Variants in ELAVL3 observed in about 807,000 individuals in gnomAD.
ELAVL3 encodes ELAV-like protein 3.
ELAVL3 carries 8 observed loss-of-function variants against 34.2 expected under a neutral mutation model. That is an observed-to-expected ratio of 0.23 (90% confidence interval 0.14 to 0.42). The LOEUF is 0.42. ELAVL3 is among the 10% of genes least tolerant of loss of function. The probability of loss-of-function intolerance (pLI) is 1.00; values close to 1 mark genes in which losing one functional copy is unlikely to be tolerated. For synonymous variants in ELAVL3, 209 were observed against 222.1 expected (o/e 0.94, Z 0.53); for missense variants, 273 against 518.8 (o/e 0.53, Z 4.60).
intron 3 of ELAVL3, among the ~76,000 whole-genome samples, chr19:11,463,004 A>G (rs1396263958): frequency 6.6e-6 from 1 of 151,180 alleles, no homozygotes. Flanking sequence ...ATGTCAATGT[A>G]TTTGACAGTT....
Position 11,452,442 on chromosome 19 carries a change from G to A in ELAVL3, c.*2084C>T, listed in dbSNP as rs1568375363. 1 of 145,108 alleles carries A rather than the reference G, an allele frequency of 6.9e-6. No homozygotes were observed. Among genetic ancestry groups the A allele is most frequent in the Non-Finnish European group, 1.5e-5 (1 of 66,324 alleles). The allele number at this position is 145,108 out of a possible 1,614,324, so 9.0% of individuals were successfully genotyped here. ...ACAAGAAGCTAAATTCAGCAAAAAA[G>A]TACAAGAAAGTTAACTGGTGCCAGT... On this transcript the variant is annotated 3_prime_UTR_variant, in exon 7 of 7. Coordinates refer to ENST00000359227, the MANE Select transcript of ELAVL3 (RefSeq NM_001420.4).
At chr19:11,462,916 C>T (rs1449427746) in intron 3 of ELAVL3, among the ~76,000 whole-genome samples, 6 of 148,768 alleles carry the variant, frequency 4.0e-5, no homozygotes, top group African/African-American at 1.3e-4. Context: ...GAGCCGAGAT[C>T]GCGCTACTGC....
At chr19:11,455,849 G>T (rs1362291968) in intron 6 of ELAVL3, among the ~76,000 whole-genome samples, 1 of 152,184 alleles carries the variant, frequency 6.6e-6, no homozygotes, top group Non-Finnish European at 1.5e-5. Context: ...ATGAATTAAT[G>T]AAAGGACAGA....
intron 5 of ELAVL3, among the ~76,000 whole-genome samples, chr19:11,457,531 G>A (rs1009973842): frequency 2.6e-5 from 4 of 152,210 alleles, no homozygotes; most frequent in African/African-American, 9.6e-5. Flanking sequence ...CCACCCGGGG[G>A]CCCACAAGGG....
intron 3 of ELAVL3, among the ~76,000 whole-genome samples, chr19:11,464,673 T>TA (rs1205580483): frequency 0.1 from 3,890 of 37,232 alleles, 146 homozygotes; most frequent in African/African-American, 0.26. Context: ...CATACACACA[T>TA]CACACACACA....
At chr19:11,463,998 A>G (rs944962922) in intron 3 of ELAVL3, among the ~76,000 whole-genome samples, 3 of 146,552 alleles carry the variant, frequency 2.0e-5, no homozygotes, top group Admixed American at 6.8e-5. Context: ...CAAAAAACCA[A>G]AAAAAAAAAA....
chr19:11,466,111 G>C lies in ELAVL3; in HGVS notation c.333+61C>G. On this transcript the variant is annotated intron_variant, in intron 3 of 6. Transcript: ENST00000359227. This position sits in a 1 kb window ranked among gnomAD's most constrained non-coding sequence, Gnocchi z 5.0. ...CATGGGGGCGGGTAGGTGGCAGTAG[G>C]GGGTTGGGGACAGTCAGTTGGGGTG... 4.7e-6 allele frequency: 7 copies of C among 1,491,134 alleles called. No individual in the cohort carries two copies. Among genetic ancestry groups the C allele is most frequent in the Non-Finnish European group, 6.5e-6 (7 of 1,071,364 alleles). The allele number at this position is 1,491,134 out of a possible 1,614,324, so 92.4% of individuals were successfully genotyped here.
intron 3 of ELAVL3, among the ~76,000 whole-genome samples, chr19:11,464,646 CACAT>C (rs1970975087): frequency 7.8e-6 from 1 of 128,876 alleles, no homozygotes; most frequent in South Asian, 2.5e-4. Flanking sequence ...ACCACACATA[CACAT>C]ACATGACACA....
chr19:11,480,904 T>G lies in ELAVL3; in HGVS notation c.-296A>C. On this transcript the variant is annotated 5_prime_UTR_variant, in exon 1 of 7. Coordinates refer to ENST00000359227, the MANE Select transcript of ELAVL3 (RefSeq NM_001420.4). The surrounding 1 kb of genome is among the most constrained non-coding windows in gnomAD (Gnocchi z 6.8). ...CGCGGCCCCGCGGGGCCCGGGGAGG[T>G]TGCGCTTCCCGACAGAGATCGCGGC... The G allele has an allele frequency of 3.1e-6, 1 of 324,684 alleles. No individual in the cohort carries two copies. 20.1% of individuals were successfully genotyped at this position (324,684 alleles called of 1,614,324 possible). A position where few individuals can be genotyped will look rare whatever the true frequency, so the allele number is the denominator to read the frequency against.
chr19:11,467,690 G>A (rs941326480), intron 1 of ELAVL3, among the ~76,000 whole-genome samples: 1 of 151,866 alleles, frequency 6.6e-6, no homozygotes, highest in African/African-American at 2.4e-5. Flanking sequence ...CGGCACGTTG[G>A]CCAGGCTGGT....
intron 1 of ELAVL3, among the ~76,000 whole-genome samples, chr19:11,479,087 C>CT (rs1187660934): frequency 6.6e-6 from 1 of 152,228 alleles, no homozygotes; most frequent in Non-Finnish European, 1.5e-5. Flanking sequence ...ACCACACCCT[C>CT]TTTCCCTTTG....
At chr19:11,460,826 C>T (rs140275913) in intron 3 of ELAVL3, among the ~76,000 whole-genome samples, 89 of 151,990 alleles carry the variant, frequency 5.9e-4, no homozygotes, top group African/African-American at 2.1e-3. Flanking sequence ...AATTATAGTC[C>T]AACCCAACAA....
rs1330899498 is a variant in ELAVL3 at position 11,454,505 on chromosome 19, G to A, written c.*21C>T. 7.7e-6 allele frequency: 12 copies of A among 1,554,484 alleles called. No homozygotes were observed. The South Asian group carries it at 1.1e-4, about 14-fold the overall frequency. On this transcript the variant is annotated 3_prime_UTR_variant, in exon 7 of 7. Coordinates refer to ENST00000359227, the MANE Select transcript of ELAVL3 (RefSeq NM_001420.4). This position sits in a 1 kb window ranked among gnomAD's most constrained non-coding sequence, Gnocchi z 9.2. ...TCTCTCTGCTGCCCGGGGAGGGGGT[G>A]GGAGGGCAGGCGGGGTGGGCTCACG...
intron 3 of ELAVL3, among the ~76,000 whole-genome samples, chr19:11,464,619 AC>A (rs1832960994): frequency 6.9e-6 from 1 of 143,970 alleles, no homozygotes; most frequent in African/African-American, 2.6e-5. Context: ...CACACACACC[AC>A]ACACACACCA....
At position 11,480,870 on chromosome 19, in the gene ELAVL3, C is replaced by T; in HGVS notation, c.-262G>A. On this transcript the variant is annotated 5_prime_UTR_variant, in exon 1 of 7. Transcript: ENST00000359227. This position sits in a 1 kb window ranked among gnomAD's most constrained non-coding sequence, Gnocchi z 6.8. ...GAGGGAGCGGGCGCGGGGTTGAGGA[C>T]GCCCCCTGCGCGGCCCCGCGGGGCC... 1 of 363,084 alleles carries T rather than the reference C, an allele frequency of 2.8e-6. No homozygotes were observed. The highest frequency in any genetic ancestry group is 4.9e-6 in the Non-Finnish European group (1 of 203,324). 22.5% of individuals were successfully genotyped at this position (363,084 alleles called of 1,614,324 possible).
At chr19:11,464,107 C>CTCTCTG (rs1354838898) in intron 3 of ELAVL3, among the ~76,000 whole-genome samples, 3 of 134,328 alleles carry the variant, frequency 2.2e-5, no homozygotes, top group African/African-American at 9.7e-5. Context: ...CCCTCTCTCT[C>CTCTCTG]TCTCTGTCTC....
Position 11,454,698 on chromosome 19 carries a change from G to A in ELAVL3, c.932C>T (p.Thr311Ile), listed in dbSNP as rs758637215. Residue 311 changes from threonine to isoleucine, a missense_variant, in exon 7 of 7, where the codon ACC (threonine) becomes ATC (isoleucine). By Grantham distance (89) the Thr-to-Ile change is moderately conservative. Coordinates refer to ENST00000359227, the MANE Select transcript of ELAVL3 (RefSeq NM_001420.4). This position sits in a 1 kb window ranked among gnomAD's most constrained non-coding sequence, Gnocchi z 9.2. The part of the protein sequence containing the change: ...WQLFGPFGAV[T>I]NVKVIRDFTT... ...GAAATCACGGATGACCTTGACGTTG[G>A]TGACTGCCCCAAAAGGCCCGAACAG... The A allele has an allele frequency of 1.9e-6, 3 of 1,614,070 alleles. No individual in the cohort carries two copies. The highest frequency in any genetic ancestry group is 2.7e-5 in the African/African-American group (2 of 74,940).
intron 3 of ELAVL3, among the ~76,000 whole-genome samples, chr19:11,464,133 C>CTCTCTCTCTCTG (rs1970954096): frequency 1.0e-5 from 1 of 100,352 alleles, no homozygotes; most frequent in African/African-American, 6.3e-5. Flanking sequence ...GTCTCTCTCT[C>CTCTCTCTCTCTG]TCTCTCTCTC....
At chr19:11,465,077 A>C (rs1257137821) in intron 3 of ELAVL3, among the ~76,000 whole-genome samples, 1 of 103,746 alleles carries the variant, frequency 9.6e-6, no homozygotes, top group Admixed American at 9.8e-5. Flanking sequence ...CACACACCCC[A>C]CACAGACACA....
Sources: allele counts gnomAD v4.1 joint callset (sites outside exome capture counted in the v4.1 genomes callset), GRCh38; gene constraint gnomAD v4.1.1; non-coding constraint Gnocchi (gnomAD v3.1); transcripts MANE v1.5; gene names NCBI Gene and HGNC (gene_info 2026-07-23, HGNC 2026-07-21).